BANK1: variants seen among roughly 807,000 people sequenced by gnomAD.
The protein encoded by BANK1 is B-cell scaffold protein with ankyrin repeats.
Under a neutral mutation model 94.5 loss-of-function variants are expected in BANK1, and 95 were observed. The ratio of observed to expected loss-of-function variants is 1.00; its 90% CI spans 0.85 to 1.19. The LOEUF is 1.19. Among genes scored for constraint, BANK1 ranks in the 50% most tolerant of loss-of-function variants. The probability of loss-of-function intolerance (pLI) is 0.00; values close to 1 mark genes in which losing one functional copy is unlikely to be tolerated. For missense variants in BANK1, 987 were observed against 932.2 expected (o/e 1.06, Z -0.77); for synonymous variants, 334 against 308.4 (o/e 1.08, Z -0.87).
intron 14 of BANK1, 118 bp downstream of exon 14, chr4:102,071,422 A>G: frequency 3.9e-6 from 4 of 1,017,450 alleles, no homozygotes; most frequent in Middle Eastern, 2.6e-4. Context: ...ATTCACATAG[A>G]TTTTATATTT....
chr4:101,852,538 A>C (rs1310611124), intron 2 of BANK1, among the ~76,000 whole-genome samples: 1 of 142,400 alleles, frequency 7.0e-6, no homozygotes, highest in Non-Finnish European at 1.5e-5. Context: ...CATTCATTCA[A>C]GCCTATGTCT....
chr4:102,061,835 G>A (rs150813033), intron 12 of BANK1: 7 of 152,122 alleles, frequency 4.6e-5, no homozygotes, highest in African/African-American at 1.7e-4. Flanking sequence ...GGTTATAATG[G>A]GATAATGAAT....
chr4:102,044,003 T>A (rs970734803), intron 11 of BANK1, 96 bp downstream of exon 11: 1 of 642,790 alleles, frequency 1.6e-6, no homozygotes, highest in Admixed American at 2.5e-5. Context: ...CAGAAGTATG[T>A]AATTGTGTGC....
At chr4:101,834,735 A>C (rs1726760523) in intron 2 of BANK1, among the ~76,000 whole-genome samples, 1 of 152,214 alleles carries the variant, frequency 6.6e-6, no homozygotes, top group Admixed American at 6.5e-5. Flanking sequence ...AAATTATACA[A>C]AGAATAAGGG....
intron 7 of BANK1, among the ~76,000 whole-genome samples, chr4:101,948,731 G>A (rs973524426): frequency 1.3e-5 from 2 of 151,888 alleles, no homozygotes; most frequent in Non-Finnish European, 2.9e-5. Context: ...AATCCCTATG[G>A]GTATGCTACT....
chr4:101,987,456 C>T (rs1725552111), intron 7 of BANK1, among the ~76,000 whole-genome samples: 1 of 152,074 alleles, frequency 6.6e-6, no homozygotes, highest in African/African-American at 2.4e-5. Context: ...TGGCTTTAAC[C>T]ACCCAGTATA....
chr4:101,901,755 GT>G (rs869230636), intron 6 of BANK1, among the ~76,000 whole-genome samples: 3 of 41,956 alleles, frequency 7.2e-5, no homozygotes, highest in Admixed American at 5.0e-4. Context: ...GACGCTTTTT[GT>G]TTTTTTGTTT....
chr4:101,800,451 C>A (rs1725322321), intron 1 of BANK1, among the ~76,000 whole-genome samples: 1 of 151,782 alleles, frequency 6.6e-6, no homozygotes, highest in South Asian at 2.1e-4. Context: ...ACACTTCTTT[C>A]TGTGAAAGCC....
At chr4:101,905,871 A>C (rs770886498) in intron 6 of BANK1, among the ~76,000 whole-genome samples, 8 of 152,130 alleles carry the variant, frequency 5.3e-5, no homozygotes, top group Non-Finnish European at 1.2e-4. Context: ...CTGTAACCAA[A>C]CTATAAAATC....
chr4:101,915,029 A>G (rs954598173), intron 6 of BANK1, among the ~76,000 whole-genome samples: 2 of 152,168 alleles, frequency 1.3e-5, no homozygotes, highest in African/African-American at 2.4e-5. Context: ...TCATTGCTAT[A>G]CATATGTCTG....
intron 7 of BANK1, among the ~76,000 whole-genome samples, chr4:102,007,544 A>G (rs1291007129): frequency 6.6e-6 from 1 of 152,094 alleles, no homozygotes; most frequent in Non-Finnish European, 1.5e-5. Context: ...ACAAATTAAA[A>G]TGAGTTTTAA....
At chr4:102,014,486 C>T (rs1345505546) in intron 7 of BANK1, among the ~76,000 whole-genome samples, 1 of 152,102 alleles carries the variant, frequency 6.6e-6, no homozygotes, top group Admixed American at 6.5e-5. Flanking sequence ...TCTACTCATC[C>T]TTCTAAACTC....
chr4:101,814,602 A>C lies in BANK1; in HGVS notation c.71-15206A>C, dbSNP rs190234900. ...GACTGGAGTTTTATTTCATTTTGTC[A>C]ATAATACTGCCTGTGGTATGGTTTG... On this transcript the variant is annotated intron_variant, in intron 1 of 16. Transcript: ENST00000322953. Among the ~76,000 whole-genome samples the C allele has an allele frequency of 6.2e-3, 940 of 152,300 alleles. 14 individuals carry two copies. The highest frequency in any genetic ancestry group is 0.021 in the African/African-American group (869 of 41,552).
At chr4:102,037,645 A>ATT (rs1357243336) in intron 10 of BANK1, among the ~76,000 whole-genome samples, 3 of 152,198 alleles carry the variant, frequency 2.0e-5, no homozygotes, top group African/African-American at 7.2e-5. Flanking sequence ...ATGGAACGGA[A>ATT]TTTTACTGAA....
At chr4:101,869,169 C>A (rs898193164) in intron 4 of BANK1, among the ~76,000 whole-genome samples, 6 of 151,846 alleles carry the variant, frequency 4.0e-5, no homozygotes, top group Non-Finnish European at 8.8e-5. Flanking sequence ...CATGGTAAAA[C>A]TCCTAATCTC....
chr4:102,072,520 G>C, intron 15 of BANK1, 120 bp downstream of exon 15: 1 of 661,776 alleles, frequency 1.5e-6, no homozygotes, highest in Non-Finnish European at 2.5e-6. Flanking sequence ...GAACAAAATA[G>C]GTTAGGTGTG....
chr4:101,972,736 T>G (rs1393431320), intron 7 of BANK1: 3 of 152,078 alleles, frequency 2.0e-5, no homozygotes, highest in African/African-American at 7.2e-5. Flanking sequence ...TTGTCATAAC[T>G]CATCTAGAAT....
intron 1 of BANK1, among the ~76,000 whole-genome samples, chr4:101,799,747 G>T (rs1398900238): frequency 6.6e-6 from 1 of 152,102 alleles, no homozygotes; most frequent in Non-Finnish European, 1.5e-5. Context: ...GCTGGTGGGT[G>T]CCTGTAGTCC....
At chr4:102,023,067 C>G (rs745641407) in intron 8 of BANK1, among the ~76,000 whole-genome samples, 1 of 152,142 alleles carries the variant, frequency 6.6e-6, no homozygotes, top group Non-Finnish European at 1.5e-5. Flanking sequence ...CCTGTATTCT[C>G]TTTCTAAATC....
Sources: allele counts gnomAD v4.1 joint callset (sites outside exome capture counted in the v4.1 genomes callset), GRCh38; gene constraint gnomAD v4.1.1; transcripts MANE v1.5; gene names NCBI Gene and HGNC (gene_info 2026-07-23, HGNC 2026-07-21).